Variants in CFAP20DC observed in about 807,000 individuals in gnomAD.
CFAP20DC encodes the protein CFAP20 domain containing.
CFAP20DC carries 84 observed loss-of-function variants against 101.7 expected under a neutral mutation model. The ratio of observed to expected loss-of-function variants is 0.83; its 90% CI spans 0.69 to 0.99. CFAP20DC has a LOEUF of 0.99. Among genes scored for constraint, CFAP20DC ranks in the 50% least tolerant of loss-of-function variants. The pLI is 0.00. For synonymous variants in CFAP20DC, 359 were observed against 351.2 expected (o/e 1.02, Z -0.25); for missense variants, 1,007 against 970.3 (o/e 1.04, Z -0.50).
At chr3:58,745,095 A>G (rs1294520202) in intron 16 of CFAP20DC, among the ~76,000 whole-genome samples, 4 of 152,110 alleles carry the variant, frequency 2.6e-5, no homozygotes, top group Non-Finnish European at 1.5e-5. Context: ...CGTTTCCTTT[A>G]TCTTCTTCTG....
chr3:58,786,696 T>C (rs888043986), intron 15 of CFAP20DC, among the ~76,000 whole-genome samples: 2 of 144,244 alleles, frequency 1.4e-5, no homozygotes, highest in African/African-American at 5.0e-5. Context: ...AGAATAGTGA[T>C]GTTGGCAATT....
chr3:58,981,408 A>G (rs990490196), intron 4 of CFAP20DC, among the ~76,000 whole-genome samples: 4 of 152,172 alleles, frequency 2.6e-5, no homozygotes, highest in African/African-American at 4.8e-5. Context: ...AGTCAATCCT[A>G]AGCCAAAAGA....
chr3:59,031,709 T>C (rs1355963678), intron 4 of CFAP20DC, among the ~76,000 whole-genome samples: 2 of 152,224 alleles, frequency 1.3e-5, no homozygotes, highest in Non-Finnish European at 2.9e-5. Context: ...AAGACAAGAT[T>C]GTATATTGAT....
At chr3:58,893,391 T>C (rs1355173312) in intron 6 of CFAP20DC, among the ~76,000 whole-genome samples, 1 of 152,250 alleles carries the variant, frequency 6.6e-6, no homozygotes, top group Non-Finnish European at 1.5e-5. Context: ...TCTATTAAGA[T>C]AATCATGTGG....
At chr3:58,828,642 T>C (rs1032183146) in intron 14 of CFAP20DC, among the ~76,000 whole-genome samples, 3 of 152,076 alleles carry the variant, frequency 2.0e-5, no homozygotes, top group African/African-American at 7.2e-5. Flanking sequence ...AACTGGGGAC[T>C]GCTAAAGGAG....
chr3:58,913,879 T>C lies in CFAP20DC; in HGVS notation c.394-15A>G, dbSNP rs755365005. 89 of 1,612,916 alleles carry C rather than the reference T, an allele frequency of 5.5e-5. No individual in the cohort carries two copies. The highest frequency in any genetic ancestry group is 3.3e-4 in the Middle Eastern group (2 of 6,048). On this transcript the variant is annotated splice_polypyrimidine_tract_variant and intron_variant, in intron 5 of 16. Coordinates refer to ENST00000482387, the MANE Select transcript of CFAP20DC (RefSeq NM_001394063.1). This position sits in a 1 kb window ranked among gnomAD's most constrained non-coding sequence, Gnocchi z 4.4. ...AGATTGCACCACTAAAATAGAGAGA[T>C]GCAAAGAAGAGTAAGGACCTTTCAT...
At chr3:58,845,558 A>G (rs1342976820) in intron 13 of CFAP20DC, among the ~76,000 whole-genome samples, 1 of 151,962 alleles carries the variant, frequency 6.6e-6, no homozygotes, top group African/African-American at 2.4e-5. Flanking sequence ...GACCAGATGG[A>G]TTCACAGCCG....
chr3:58,815,230 C>T (rs571264164), intron 14 of CFAP20DC, among the ~76,000 whole-genome samples: 99 of 151,680 alleles, frequency 6.5e-4, no homozygotes, highest in Middle Eastern at 3.4e-3. Flanking sequence ...TAATCTTTGA[C>T]AAACCTGAGA....
intron 3 of CFAP20DC, among the ~76,000 whole-genome samples, chr3:58,734,907 G>A (rs1277123169): frequency 6.6e-6 from 1 of 152,108 alleles, no homozygotes; most frequent in African/African-American, 2.4e-5. Flanking sequence ...CCATCATCTC[G>A]TATTTAGAAG....
intron 4 of CFAP20DC, among the ~76,000 whole-genome samples, chr3:59,031,041 C>T (rs1157266360): frequency 6.6e-6 from 1 of 151,542 alleles, no homozygotes; most frequent in Admixed American, 6.6e-5. Flanking sequence ...CCAGGATAGT[C>T]TCGATCTCCT....
At chr3:58,807,638 G>T (rs1234344798) in intron 14 of CFAP20DC, among the ~76,000 whole-genome samples, 2 of 152,170 alleles carry the variant, frequency 1.3e-5, no homozygotes, top group Admixed American at 6.5e-5. Context: ...ACAAAAACTG[G>T]AAACTCTAAA....
chr3:58,994,995 A>G (rs2093067110), intron 4 of CFAP20DC, among the ~76,000 whole-genome samples: 1 of 152,148 alleles, frequency 6.6e-6, no homozygotes, highest in Non-Finnish European at 1.5e-5. Context: ...AAATAATCCA[A>G]TTCGCTCCTA....
At chr3:58,718,592 C>G (rs2067428037) in intron 3 of CFAP20DC, among the ~76,000 whole-genome samples, 1 of 152,194 alleles carries the variant, frequency 6.6e-6, no homozygotes, top group Non-Finnish European at 1.5e-5. Flanking sequence ...CGGGCACTGC[C>G]AATCTGCCTA....
At chr3:58,807,848 C>G (rs1223606227) in intron 14 of CFAP20DC, among the ~76,000 whole-genome samples, 1 of 151,994 alleles carries the variant, frequency 6.6e-6, no homozygotes, top group African/African-American at 2.4e-5. Flanking sequence ...ACTAGAATAA[C>G]CAATACAGAG....
chr3:59,018,557 T>C (rs1225037869), intron 4 of CFAP20DC: 1 of 152,080 alleles, frequency 6.6e-6, no homozygotes, highest in African/African-American at 2.4e-5. Flanking sequence ...CAAAGATGCA[T>C]AACATGAATC....
intron 14 of CFAP20DC, among the ~76,000 whole-genome samples, chr3:58,822,273 T>G (rs1056285254): frequency 1.3e-5 from 2 of 148,818 alleles, no homozygotes; most frequent in African/African-American, 5.0e-5. Flanking sequence ...TGTGCACATG[T>G]ACCGTAAAAC....
In CFAP20DC at chr3:58,964,171, G is replaced by C. The variant is rs1401180930; in HGVS notation, c.279-26409C>G. On this transcript the variant is annotated intron_variant, in intron 4 of 16. Coordinates refer to ENST00000482387, the MANE Select transcript of CFAP20DC (RefSeq NM_001394063.1). This position sits in a 1 kb window ranked among gnomAD's most constrained non-coding sequence, Gnocchi z 4.1. ...GACACTTTCTGAGTTCCTTATTCCA[G>C]ATGTCATAACTATAGCTTCAATCGG... 6.6e-6 allele frequency among the ~76,000 whole-genome samples: 1 copy of C among 152,194 alleles called. No homozygotes were observed.
intron 5 of CFAP20DC, among the ~76,000 whole-genome samples, chr3:58,937,031 A>G (rs2087778392): frequency 6.6e-6 from 1 of 152,166 alleles, no homozygotes; most frequent in Non-Finnish European, 1.5e-5. Context: ...GTACACAAAC[A>G]GGGTACTGAG....
At chr3:58,933,188 A>G (rs979856818) in intron 5 of CFAP20DC, among the ~76,000 whole-genome samples, 14 of 152,140 alleles carry the variant, frequency 9.2e-5, no homozygotes, top group Non-Finnish European at 2.1e-4. Context: ...CCATTACATA[A>G]TGGTAAAGGG....
Sources: gnomAD v4.1 joint callset for allele counts (sites outside exome capture counted in the v4.1 genomes callset) on GRCh38, gnomAD v4.1.1 for gene constraint, Gnocchi (gnomAD v3.1) non-coding constraint, MANE v1.5 for transcripts, NCBI Gene and HGNC (gene_info 2026-07-23, HGNC 2026-07-21) for gene names.